Variants in MGAT1 observed in about 807,000 individuals in gnomAD.
The protein encoded by MGAT1 is alpha-1,3-mannosyl-glycoprotein 2-beta-N-acetylglucosaminyltransferase.
A neutral mutation model predicts 31.7 loss-of-function variants in MGAT1; 14 were observed. The observed-to-expected ratio is 0.44, with a 90% CI of 0.29 to 0.69. MGAT1 has a LOEUF of 0.69. MGAT1 is among the 30% of genes least tolerant of loss of function. MGAT1 has a pLI of 0.12. For missense variants in MGAT1, 557 were observed against 626.0 expected (o/e 0.89, Z 1.18); for synonymous variants, 338 against 276.0 (o/e 1.22, Z -2.23).
At chr5:180,807,032 C>G (rs562850520), upstream of MGAT1, among the ~76,000 whole-genome samples, 208 of 152,322 alleles carry the variant, frequency 1.4e-3, no homozygotes, top group African/African-American at 4.7e-3. Context: ...AGCAGCAGCT[C>G]CACCCAGGCC....
At position 180,790,004 on chromosome 5, in the gene MGAT1, AGTCT is replaced by A. The variant is rs1009277876; in HGVS notation, c.*1626_*1629del. 2 of 152,194 alleles carry A rather than the reference AGTCT, an allele frequency of 1.3e-5. No individual in the cohort carries two copies. The highest frequency in any genetic ancestry group is 4.8e-5 in the African/African-American group (2 of 41,422). 9.4% of individuals were successfully genotyped at this position (152,194 alleles called of 1,614,324 possible). A position where few individuals can be genotyped will look rare whatever the true frequency, so the allele number is the denominator to read the frequency against. ...GTTGCACGTGATATGCAGAGGTAAC[AGTCT>A]GTCTGTGTTCTGGGTATTAGCAAAA... is the stretch of plus-strand genomic sequence containing the variant. On this transcript the variant is annotated 3_prime_UTR_variant, in exon 2 of 2. Coordinates refer to ENST00000307826, the MANE Select transcript of MGAT1 (RefSeq NM_002406.4).
At chr5:180,814,472 C>T (rs555280326) in intron 1 of MGAT1, among the ~76,000 whole-genome samples, 32 of 152,366 alleles carry the variant, frequency 2.1e-4, no homozygotes, top group African/African-American at 7.2e-4. Context: ...TCTCCCTTTT[C>T]TCTCTTTACC....
chr5:180,803,504 G>A (rs1771357305), upstream of MGAT1: 1 of 152,470 alleles, frequency 6.6e-6, no homozygotes, highest in Non-Finnish European at 1.5e-5. Context: ...CGCCCGGCTG[G>A]TGTTTTAAAG....
Position 180,792,717 on chromosome 5 carries a change from C to T in MGAT1, c.255G>A (p.Arg85=). Residue 85 remains arginine, a synonymous_variant, in exon 2 of 2, where the codon AGG becomes AGA. Transcript: ENST00000307826. The part of the protein sequence containing the change: ...IGDALSSQRG[R]VPTAAPPAQP... ...GGGCGGGAGGGGCCGCGGTGGGCACCCTCCCCCGCTGGCTCGACAGGGCAT... is the reference window on the plus strand; with the variant it reads ...GGGCGGGAGGGGCCGCGGTGGGCACTCTCCCCCGCTGGCTCGACAGGGCAT... The T allele has an allele frequency of 6.5e-7, 1 of 1,547,692 alleles. No individual in the cohort carries two copies. The highest frequency in any genetic ancestry group is 8.7e-7 in the Non-Finnish European group (1 of 1,148,014).
chr5:180,799,097 C>A (rs770057348), intron 1 of MGAT1, among the ~76,000 whole-genome samples: 2 of 152,174 alleles, frequency 1.3e-5, no homozygotes, highest in Non-Finnish European at 2.9e-5. Context: ...AACAGCGCAT[C>A]CTTCCTGACA....
chr5:180,787,955 C>A lies in MGAT1; in HGVS notation c.*3679G>T, dbSNP rs1767687816. On this transcript the variant is annotated 3_prime_UTR_variant, in exon 2 of 2. Transcript: ENST00000307826. ...CCCGGAAGGCAGTCTGTCCTGGAGA[C>A]AGAGTGAGCAGGAACCCACAGTGAG... 6.5e-6 allele frequency: 1 copy of A among 152,848 alleles called. No homozygotes were observed. The highest frequency in any genetic ancestry group is 1.5e-5 in the Non-Finnish European group (1 of 68,500). The allele number at this position is 152,848 out of a possible 1,614,324, so 9.5% of individuals were successfully genotyped here.
chr5:180,803,526 G>A (rs376377500), upstream of MGAT1: 1 of 152,568 alleles, frequency 6.6e-6, no homozygotes, highest in South Asian at 2.1e-4. Flanking sequence ...GGAGGAAGGT[G>A]CGGACCTGAA....
rs751835174 is a variant in MGAT1, at chr5:180,792,667, G to A, written c.305C>T (p.Ala102Val). Residue 102 changes from alanine (A) to valine (V), a missense_variant, in exon 2 of 2, where the codon GCG becomes GTG. Around this residue, in one of 3 missense-constraint regions of MGAT1, gnomAD observed 167 missense variants for 149.8 expected, o/e 1.11. Coordinates refer to ENST00000307826, the MANE Select transcript of MGAT1 (RefSeq NM_002406.4). ...GACCAGGATGGGAATCACCGCCGGC[G>A]CGGGGGTCACAGGCACACGCGGCTG... ...PAQPRVPVTP[A>V]PAVIPILVIA... 1.3e-6 allele frequency: 2 copies of A among 1,576,668 alleles called. No individual in the cohort carries two copies. The highest frequency in any genetic ancestry group is 1.3e-5 in the African/African-American group (1 of 74,272).
At chr5:180,814,919 C>T (rs1193662806) in intron 1 of MGAT1, among the ~76,000 whole-genome samples, 5 of 146,434 alleles carry the variant, frequency 3.4e-5, no homozygotes, top group African/African-American at 7.6e-5. Flanking sequence ...CCAGCCTAGG[C>T]GACAGAGTGA....
chr5:180,796,742 T>C (rs1769474740), intron 1 of MGAT1, among the ~76,000 whole-genome samples: 1 of 152,016 alleles, frequency 6.6e-6, no homozygotes, highest in African/African-American at 2.4e-5. Flanking sequence ...CTCCCGAGTA[T>C]CTGGGATTAC....
At chr5:180,795,624 A>T (rs1357575034) in intron 1 of MGAT1, 1 of 152,248 alleles carries the variant, frequency 6.6e-6, no homozygotes, top group Non-Finnish European at 1.5e-5. Context: ...GGTGAATCTG[A>T]GTAAAGAGAG....
rs921734341 is a variant in MGAT1, at chr5:180,787,237, G to A, written c.*4397C>T. On this transcript the variant is annotated 3_prime_UTR_variant, in exon 2 of 2. Coordinates refer to ENST00000307826, the MANE Select transcript of MGAT1 (RefSeq NM_002406.4). The stretch of plus-strand genomic sequence containing the variant: ...CAGGCCCACCGCACTCTATGACATC[G>A]GCCACCAGGCTGGTCTCCAGGAAAT... The A allele has an allele frequency of 1.3e-5, 2 of 152,260 alleles. No homozygotes were observed. The highest frequency in any genetic ancestry group is 2.4e-5 in the African/African-American group (1 of 41,440). The allele number at this position is 152,260 out of a possible 1,614,324, so 9.4% of individuals were successfully genotyped here.
chr5:180,807,299 T>G (rs1165394700), upstream of MGAT1, among the ~76,000 whole-genome samples: 1 of 152,188 alleles, frequency 6.6e-6, no homozygotes, highest in Non-Finnish European at 1.5e-5. Flanking sequence ...CATACCCTAC[T>G]GTCTCTCAAA....
chr5:180,809,735 AG>A (rs901701310), intron 1 of MGAT1: 2 of 150,884 alleles, frequency 1.3e-5, no homozygotes, highest in African/African-American at 4.9e-5. Flanking sequence ...CCCATTTCTC[AG>A]CCCGAAAACC....
chr5:180,802,031 G>C (rs115505826), intron 1 of MGAT1, among the ~76,000 whole-genome samples: 1 of 152,058 alleles, frequency 6.6e-6, no homozygotes, highest in Non-Finnish European at 1.5e-5. Flanking sequence ...AAATAAAGCT[G>C]GGCAACATCT....
At chr5:180,805,602 T>C (rs1187861266), upstream of MGAT1, among the ~76,000 whole-genome samples, 1 of 151,880 alleles carries the variant, frequency 6.6e-6, no homozygotes, top group African/African-American at 2.4e-5. Context: ...ATACAAAAAT[T>C]AGCCAAGTGT....
intron 1 of MGAT1, among the ~76,000 whole-genome samples, chr5:180,796,412 T>A (rs973729229): frequency 3.3e-5 from 5 of 152,138 alleles, no homozygotes; most frequent in African/African-American, 9.7e-5. Flanking sequence ...GGCTCAAATA[T>A]TATGTATCAA....
In MGAT1 at chr5:180,793,068, G is replaced by C. The variant is rs1768588714; in HGVS notation, c.-97C>G. ...CCGCAGTCCTAGGGATGCCTCCTCT[G>C]GACTATGGGATTAGGAGGCAGCCAT... On this transcript the variant is annotated 5_prime_UTR_variant, in exon 2 of 2. Transcript: ENST00000307826. The C allele has an allele frequency of 7.0e-7, 1 of 1,423,366 alleles. No homozygotes were observed. Among genetic ancestry groups the C allele is most frequent in the African/African-American group, 1.4e-5 (1 of 70,526 alleles). The allele number at this position is 1,423,366 out of a possible 1,614,324, so 88.2% of individuals were successfully genotyped here.
At chr5:180,807,222 T>C (rs1392769182), upstream of MGAT1, among the ~76,000 whole-genome samples, 1 of 152,096 alleles carries the variant, frequency 6.6e-6, no homozygotes, top group Non-Finnish European at 1.5e-5. Flanking sequence ...GAGGCCTAGG[T>C]GTTACTGAGC....
Sources: allele counts gnomAD v4.1 joint callset (sites outside exome capture counted in the v4.1 genomes callset), GRCh38; gene constraint gnomAD v4.1.1; regional missense constraint gnomAD v4.1.1; transcripts MANE v1.5; gene names NCBI Gene and HGNC (gene_info 2026-07-23, HGNC 2026-07-21).